Variants in ANK2 observed in about 807,000 individuals in gnomAD.
The protein encoded by ANK2 is ankyrin 2, also known as ankyrin-2.
ANK2 carries 83 observed loss-of-function variants against 360.5 expected under a neutral mutation model. That is an observed-to-expected ratio of 0.23 (90% CI 0.19 to 0.28). The LOEUF (loss-of-function observed/expected upper bound fraction) is 0.28, where lower values mean the gene tolerates loss of function less well. Ranked by LOEUF, ANK2 falls within the 10% of genes least tolerant of loss-of-function variation. The probability of loss-of-function intolerance (pLI) is 1.00; values close to 1 mark genes in which losing one functional copy is unlikely to be tolerated. For synonymous variants in ANK2, 1,740 were observed against 1,759.5 expected, an observed-to-expected ratio of 0.99 and a Z score of 0.28; for missense variants, 4,201 against 4,795.7, an observed-to-expected ratio of 0.88 and a Z score of 3.66.
chr4:113,055,733 G>A (rs942490512), intron 1 of ANK2, among the ~76,000 whole-genome samples: 7 of 152,126 alleles, frequency 4.6e-5, no homozygotes, highest in African/African-American at 1.7e-4. Flanking sequence ...GAGACTCAGA[G>A]ACTACATACA....
chr4:112,991,619 C>CTTTTTTTT (rs35505334), intron 2 of ANK2, among the ~76,000 whole-genome samples: 3 of 125,848 alleles, frequency 2.4e-5, no homozygotes, highest in Admixed American at 8.7e-5. Flanking sequence ...TTCTTTCTTT[C>CTTTTTTTT]TTTTTTTTTT....
intron 1 of ANK2, among the ~76,000 whole-genome samples, chr4:112,897,031 C>T (rs1409673773): frequency 1.3e-5 from 2 of 152,192 alleles, no homozygotes; most frequent in Non-Finnish European, 2.9e-5. Flanking sequence ...GCACTCTCCC[C>T]TCTGCTTCTT....
chr4:112,811,689 A>G, the ANK2 span, among the ~76,000 whole-genome samples: 5 of 152,186 alleles, frequency 3.3e-5, no homozygotes, highest in Non-Finnish European at 7.3e-5. Context: ...TTACTCCATT[A>G]CAAGTTGCAA....
chr4:113,305,229 A>G lies in ANK2; in HGVS notation c.2548+2390A>G, dbSNP rs376333428. ...GTGGCGGGCGCCTGTAGTCCCAGCT[A>G]CTTGGGAGGCTGAGGCAGGAGAATG... On this transcript the variant is annotated intron_variant, in intron 23 of 45. Coordinates refer to ENST00000357077, the MANE Select transcript of ANK2 (RefSeq NM_001148.6). Among the ~76,000 whole-genome samples the G allele has an allele frequency of 3.4e-3, 501 of 146,740 alleles. 2 individuals are homozygous for G. Among genetic ancestry groups the G allele is most frequent in the African/African-American group, 0.012 (481 of 39,956 alleles).
At chr4:113,237,651 A>G (rs767306780) in intron 7 of ANK2, 29 bp downstream of exon 7, 2 of 1,575,748 alleles carry the variant, frequency 1.3e-6, no homozygotes, top group Non-Finnish European at 8.7e-7. Flanking sequence ...ACCAAAATTT[A>G]CCTTGTCTTT....
chr4:112,909,094 G>A (rs186892549), intron 2 of ANK2, among the ~76,000 whole-genome samples: 1 of 152,170 alleles, frequency 6.6e-6, no homozygotes, highest in Admixed American at 6.5e-5. Context: ...AGATACTGGG[G>A]AATAGAATAC....
At chr4:112,884,527 A>G (rs1157321557) in intron 1 of ANK2, among the ~76,000 whole-genome samples, 1 of 152,204 alleles carries the variant, frequency 6.6e-6, no homozygotes, top group African/African-American at 2.4e-5. Flanking sequence ...TAAAAAGTAT[A>G]AAATCCATTC....
intron 1 of ANK2, among the ~76,000 whole-genome samples, chr4:113,118,284 T>A (rs313934): frequency 0.98 from 149,689 of 152,332 alleles, 73,565 homozygotes; most frequent in Middle Eastern, 1. Flanking sequence ...GATAAATGGC[T>A]TATTACATTA....
rs1227639389 is a variant in ANK2 at position 113,355,086 on chromosome 4, T to G, written c.6468T>G (p.Ser2156Arg). Reference protein sequence around the residue: ...DNDKYQQFRLSEETEKAQLHL... With the variant: ...DNDKYQQFRLREETEKAQLHL... The stretch of plus-strand genomic sequence containing the variant: ...ACAAATACCAACAATTCCGCCTGAG[T>G]GAGGAGACAGAAAAGGCACAGCTTC... The change falls in exon 38 of 46, where the codon AGT (serine) becomes AGG (arginine). Residue 2156 changes from serine (S) to arginine (R), a missense_variant. Around this residue, in one of 4 missense-constraint regions of ANK2, gnomAD observed 2,642 missense variants for 2,714.5 expected, o/e 0.97. Transcript: ENST00000357077. 13 of 1,613,600 alleles carry G rather than the reference T, an allele frequency of 8.1e-6. No individual in the cohort carries two copies. Among genetic ancestry groups the G allele is most frequent in the Non-Finnish European group, 1.1e-5 (13 of 1,179,916 alleles).
In ANK2 at chr4:113,356,429, A is replaced by T. The variant is rs759609355; in HGVS notation, c.7811A>T (p.Glu2604Val). The T allele has an allele frequency of 6.2e-7, 1 of 1,614,196 alleles. No individual in the cohort carries two copies. Among genetic ancestry groups the T allele is most frequent in the Non-Finnish European group, 8.5e-7 (1 of 1,180,004 alleles). Residue 2604 changes from glutamate to valine, a missense_variant, in exon 38 of 46, where the codon GAA becomes GTA. Physicochemically the swap from Glu to Val is moderately radical, Grantham distance 121. Around this residue, in one of 4 missense-constraint regions of ANK2, gnomAD observed 2,642 missense variants for 2,714.5 expected, o/e 0.97. Coordinates refer to ENST00000357077, the MANE Select transcript of ANK2 (RefSeq NM_001148.6). ...AAAATGTTTGATGAACTTGAACAAGAAGCAAAGCAGAAAAGGGACTACAAA... is the reference window on the plus strand; with the variant it reads ...AAAATGTTTGATGAACTTGAACAAGTAGCAAAGCAGAAAAGGGACTACAAA... ...KIKMFDELEQ[E>V]AKQKRDYKKE...
intron 25 of ANK2, 81 bp downstream of exon 25, chr4:113,317,890 G>T (rs1019866919): frequency 2.1e-5 from 25 of 1,167,958 alleles, no homozygotes; most frequent in African/African-American, 1.7e-4. Context: ...TCCTGAGAAA[G>T]TTTTTAATCC....
chr4:113,352,846 A>G (rs1588882297), intron 37 of ANK2, among the ~76,000 whole-genome samples, 199 bp from the exon 38 acceptor site: 1 of 146,462 alleles, frequency 6.8e-6, no homozygotes, highest in Admixed American at 6.8e-5. Context: ...TTTCCTTTTC[A>G]GTTGTTTTTT....
chr4:113,248,504 A>T (rs942192069), intron 9 of ANK2, among the ~76,000 whole-genome samples: 22 of 152,094 alleles, frequency 1.4e-4, no homozygotes, highest in Non-Finnish European at 2.9e-4. Context: ...CCCAGCTGGA[A>T]GCCAGAGGAC....
At chr4:113,030,854 T>C (rs1231667556) in intron 2 of ANK2, among the ~76,000 whole-genome samples, 3 of 152,086 alleles carry the variant, frequency 2.0e-5, no homozygotes, top group Non-Finnish European at 4.4e-5. Flanking sequence ...AAAACTGCCT[T>C]GTATAGACAC....
At chr4:113,058,558 C>T (rs983040820) in intron 1 of ANK2, among the ~76,000 whole-genome samples, 5 of 152,122 alleles carry the variant, frequency 3.3e-5, no homozygotes, top group African/African-American at 1.2e-4. Context: ...TTTTGGTCCT[C>T]TTTTTGTATA....
chr4:113,217,947 A>G (rs1054553206), intron 4 of ANK2, among the ~76,000 whole-genome samples: 29 of 152,138 alleles, frequency 1.9e-4, no homozygotes, highest in Non-Finnish European at 3.5e-4. Flanking sequence ...CTTTTTGTGT[A>G]GTGTAATTGT....
chr4:113,149,874 CAAAAAAAAAAA>C lies in ANK2; in HGVS notation c.85-24526_85-24516del, dbSNP rs34667216. Among the ~76,000 whole-genome samples, 138 of 31,410 alleles carry C rather than the reference CAAAAAAAAAAA, an allele frequency of 4.4e-3. 2 individuals carry two copies. The highest frequency in any genetic ancestry group is 0.015 in the African/African-American group (116 of 7,798). 20.6% of individuals were successfully genotyped at this position (31,410 alleles called of 152,430 possible). A position where few individuals can be genotyped will look rare whatever the true frequency, so the allele number is the denominator to read the frequency against. Reference sequence around the variant, plus strand: ...CTTGCGTGAGAGTGAGACCCTGCCTCAAAAAAAAAAAAAAAAAAAAAAAAAAGAAAGATTGA... The same window carrying C: ...CTTGCGTGAGAGTGAGACCCTGCCTCAAAAAAAAAAAAAAAGAAAGATTGA... On this transcript the variant is annotated intron_variant, in intron 1 of 45. Coordinates refer to ENST00000357077, the MANE Select transcript of ANK2 (RefSeq NM_001148.6).
intron 2 of ANK2, among the ~76,000 whole-genome samples, chr4:113,190,728 A>T (rs1197772845): frequency 6.6e-6 from 1 of 152,196 alleles, no homozygotes; most frequent in African/African-American, 2.4e-5. Flanking sequence ...TTGATAACTC[A>T]GAATGTTCAG....
chr4:113,118,700 G>A lies in ANK2; in HGVS notation c.85-55716G>A, dbSNP rs537504579. ...AAGATTGCATTAATTCTTTTTTTTA[G>A]TATCAAAAGTATTATTAGCCATTTT... On this transcript the variant is annotated intron_variant, in intron 1 of 45. Coordinates refer to ENST00000357077, the MANE Select transcript of ANK2 (RefSeq NM_001148.6). 2.8e-4 allele frequency among the ~76,000 whole-genome samples: 43 copies of A among 152,168 alleles called. 1 individual carries two copies. The highest frequency in any genetic ancestry group is 5.3e-4 in the Non-Finnish European group (36 of 67,988).
Sources: gnomAD v4.1 joint callset for allele counts (sites outside exome capture counted in the v4.1 genomes callset) on GRCh38, gnomAD v4.1.1 for gene constraint, gnomAD v4.1.1 regional missense constraint, MANE v1.5 for transcripts, NCBI Gene and HGNC (gene_info 2026-07-23, HGNC 2026-07-21) for gene names.